POLR3B: variants seen among roughly 807,000 people sequenced by gnomAD.
The protein encoded by POLR3B is DNA-directed RNA polymerase III subunit RPC2.
POLR3B carries 96 observed loss-of-function variants against 147.4 expected under a neutral mutation model. That is an observed-to-expected ratio of 0.65 (90% CI 0.55 to 0.77). The LOEUF is 0.77. Among genes scored for constraint, POLR3B ranks in the 30% least tolerant of loss-of-function variants. The probability of loss-of-function intolerance (pLI) is 0.00; values close to 1 mark genes in which losing one functional copy is unlikely to be tolerated. For missense variants in POLR3B, 1,036 were observed against 1,413.5 expected (o/e 0.73, Z 4.28); for synonymous variants, 461 against 485.9 (o/e 0.95, Z 0.67).
At chr12:106,400,823 G>A (rs2037054031) in intron 10 of POLR3B, among the ~76,000 whole-genome samples, 2 of 152,186 alleles carry the variant, frequency 1.3e-5, no homozygotes. Context: ...CACATTCAAA[G>A]CAGTGTGTAG....
chr12:106,398,576 C>T (rs2037015644), intron 10 of POLR3B, among the ~76,000 whole-genome samples: 1 of 152,184 alleles, frequency 6.6e-6, no homozygotes, highest in Non-Finnish European at 1.5e-5. Flanking sequence ...AACTGGGAGG[C>T]ACCCCCCAGT....
At chr12:106,395,622 T>C (rs117429141) in intron 10 of POLR3B, among the ~76,000 whole-genome samples, 270 of 152,274 alleles carry the variant, frequency 1.8e-3, no homozygotes, top group Non-Finnish European at 3.0e-3. Context: ...TATCACACTT[T>C]ATTTTATATA....
chr12:106,421,245 A>G (rs2037370027), intron 12 of POLR3B, among the ~76,000 whole-genome samples: 1 of 152,134 alleles, frequency 6.6e-6, no homozygotes, highest in African/African-American at 2.4e-5. Context: ...AAAAAACACA[A>G]CAACACTGGC....
intron 10 of POLR3B, among the ~76,000 whole-genome samples, chr12:106,397,441 C>T (rs920258922): frequency 6.6e-6 from 1 of 152,080 alleles, no homozygotes; most frequent in Non-Finnish European, 1.5e-5. Context: ...GATTTTTTTC[C>T]CCACTATTCT....
rs1035271398 is a variant in POLR3B, at chr12:106,426,849, C to G, written c.1102-348C>G. On this transcript the variant is annotated intron_variant, in intron 12 of 27. Coordinates refer to ENST00000228347, the MANE Select transcript of POLR3B (RefSeq NM_018082.6). The stretch of plus-strand genomic sequence containing the variant: ...AATTCTTCTCCACCGTCCCCCCCCC[C>G]CCCCCCCGTCCTTTTTGGTTTTAAT... Among the ~76,000 whole-genome samples, 16 of 103,094 alleles carry G rather than the reference C, an allele frequency of 1.6e-4. 4 individuals are homozygous for G. Among genetic ancestry groups the G allele is most frequent in the African/African-American group, 4.4e-4 (12 of 27,144 alleles). The allele number at this position is 103,094 out of a possible 152,430, so 67.6% of individuals were successfully genotyped here. A position where few individuals can be genotyped will look rare whatever the true frequency, so the allele number is the denominator to read the frequency against.
chr12:106,374,794 G>A (rs556650949), intron 6 of POLR3B, among the ~76,000 whole-genome samples: 2 of 152,254 alleles, frequency 1.3e-5, no homozygotes, highest in African/African-American at 4.8e-5. Flanking sequence ...GGGATTACAG[G>A]CGTGAGCCAC....
chr12:106,504,279 A>T lies in POLR3B; in HGVS notation c.3272+25A>T. Reference sequence around the variant, plus strand: ...GGTAAGTGGATACCATATGTCTCCCATACCACACCCCTTGCCTCTTAAATC... The same window carrying T: ...GGTAAGTGGATACCATATGTCTCCCTTACCACACCCCTTGCCTCTTAAATC... On this transcript the variant is annotated intron_variant, in intron 27 of 27. Transcript: ENST00000228347. This position sits in a 1 kb window ranked among gnomAD's most constrained non-coding sequence, Gnocchi z 4.6. 6.3e-7 allele frequency: 1 copy of T among 1,582,048 alleles called. No homozygotes were observed. The highest frequency in any genetic ancestry group is 8.7e-7 in the Non-Finnish European group (1 of 1,150,748).
At chr12:106,502,655 A>G (rs1829726156) in intron 26 of POLR3B, among the ~76,000 whole-genome samples, 1 of 152,100 alleles carries the variant, frequency 6.6e-6, no homozygotes, top group African/African-American at 2.4e-5. Flanking sequence ...AGTTGACTCA[A>G]TTCTTTGACC....
chr12:106,501,444 AAAAGTACTT>A lies in POLR3B; in HGVS notation c.3098+10_3098+18del. ...ACGAGCCGTCCTTACCAGGTAAGAG[AAAAGTACTT>A]ACAAAAAGAATTGATAATGCAGTCA... On this transcript the variant is annotated intron_variant, in intron 26 of 27. Transcript: ENST00000228347. 1 of 1,503,016 alleles carries A rather than the reference AAAAGTACTT, an allele frequency of 6.7e-7. No individual in the cohort carries two copies. The highest frequency in any genetic ancestry group is 9.3e-7 in the Non-Finnish European group (1 of 1,078,712). The allele number at this position is 1,503,016 out of a possible 1,614,324, so 93.1% of individuals were successfully genotyped here. A position where few individuals can be genotyped will look rare whatever the true frequency, so the allele number is the denominator to read the frequency against.
intron 9 of POLR3B, among the ~76,000 whole-genome samples, chr12:106,383,659 C>T (rs2036795242): frequency 6.6e-6 from 1 of 151,962 alleles, no homozygotes; most frequent in South Asian, 2.1e-4. Flanking sequence ...TTGTGGCACC[C>T]CAAAACAGTT....
intron 9 of POLR3B, among the ~76,000 whole-genome samples, chr12:106,386,880 C>T (rs1322064154): frequency 6.6e-6 from 1 of 151,712 alleles, no homozygotes; most frequent in Non-Finnish European, 1.5e-5. Context: ...GCACTGCAGC[C>T]TGGGCAACAG....
chr12:106,453,515 C>CT (rs2037825733), intron 19 of POLR3B, among the ~76,000 whole-genome samples: 1 of 151,876 alleles, frequency 6.6e-6, no homozygotes, highest in Non-Finnish European at 1.5e-5. Context: ...GAGAGAGAGA[C>CT]TTAAAGCTGC....
At chr12:106,478,968 G>C (rs528381668) in intron 23 of POLR3B, among the ~76,000 whole-genome samples, 10 of 152,180 alleles carry the variant, frequency 6.6e-5, no homozygotes, top group Admixed American at 5.2e-4. Flanking sequence ...TTTGTGCCCT[G>C]TTTCTCTTTT....
chr12:106,506,628 G>A (rs904644561), intron 27 of POLR3B, among the ~76,000 whole-genome samples: 62 of 152,288 alleles, frequency 4.1e-4, no homozygotes, highest in South Asian at 4.1e-4. Flanking sequence ...ATTTTGAAGC[G>A]TATGTATTCC....
chr12:106,424,535 T>A (rs949907433), intron 12 of POLR3B, among the ~76,000 whole-genome samples: 3 of 152,208 alleles, frequency 2.0e-5, no homozygotes, highest in Non-Finnish European at 4.4e-5. Context: ...CTGGAATTTT[T>A]TAATAAAGAG....
Position 106,393,491 on chromosome 12 carries a change from T to TTGTGTGTGTG in POLR3B, c.846+368_846+377dup, listed in dbSNP as rs71072674. Among the ~76,000 whole-genome samples, 775 of 141,438 alleles carry TTGTGTGTGTG rather than the reference T, an allele frequency of 5.5e-3. 10 individuals are homozygous for TTGTGTGTGTG. The highest frequency in any genetic ancestry group is 0.02 in the African/African-American group (727 of 37,136). 92.8% of individuals were successfully genotyped at this position (141,438 alleles called of 152,430 possible). On this transcript the variant is annotated intron_variant, in intron 10 of 27. Coordinates refer to ENST00000228347, the MANE Select transcript of POLR3B (RefSeq NM_018082.6). ...CTATGGCAACTCTCGTGTACAGGTT[T>TTGTGTGTGTG]TGTGTGTGTGTGTGTGTGTGTGTGT...
In POLR3B at chr12:106,405,539, T is replaced by TACACACACACACACAC. The variant is rs71072675; in HGVS notation, c.847-292_847-277dup. Among the ~76,000 whole-genome samples, 961 of 142,668 alleles carry TACACACACACACACAC rather than the reference T, an allele frequency of 6.7e-3. 5 individuals carry two copies. Among genetic ancestry groups the TACACACACACACACAC allele is most frequent in the East Asian group, 0.025 (112 of 4,404 alleles). The allele number at this position is 142,668 out of a possible 152,430, so 93.6% of individuals were successfully genotyped here. A position where few individuals can be genotyped will look rare whatever the true frequency, so the allele number is the denominator to read the frequency against. On this transcript the variant is annotated intron_variant, in intron 10 of 27. Transcript: ENST00000228347. ...GAAGGACTGATGGCTGCTATATGTC[T>TACACACACACACACAC]ACACACACACACACACACACACACA...
chr12:106,451,250 A>C (rs1162277889), intron 19 of POLR3B, among the ~76,000 whole-genome samples: 1 of 152,060 alleles, frequency 6.6e-6, no homozygotes, highest in Non-Finnish European at 1.5e-5. Flanking sequence ...CCTTGATAAA[A>C]AGTTCTGATA....
At chr12:106,422,295 C>T (rs762848203) in intron 12 of POLR3B, among the ~76,000 whole-genome samples, 36 of 152,148 alleles carry the variant, frequency 2.4e-4, no homozygotes, top group Non-Finnish European at 4.9e-4. Flanking sequence ...CTTCTTCCTG[C>T]TCTGGCCATA....
Sources: allele counts gnomAD v4.1 joint callset (sites outside exome capture counted in the v4.1 genomes callset), GRCh38; gene constraint gnomAD v4.1.1; non-coding constraint Gnocchi (gnomAD v3.1); transcripts MANE v1.5; gene names NCBI Gene and HGNC (gene_info 2026-07-23, HGNC 2026-07-21).